The following CUX2 variants were observed in gnomAD, a reference collection of about 807,000 sequenced individuals.
The protein encoded by CUX2 is cut like homeobox 2, also known as homeobox protein cut-like 2.
In CUX2, 40 loss-of-function variants were observed where a neutral mutation model predicts 144.8. The observed-to-expected ratio is 0.28, with a 90% CI of 0.21 to 0.36. The LOEUF (loss-of-function observed/expected upper bound fraction) is 0.36. Ranked by LOEUF, CUX2 falls within the 10% of genes least tolerant of loss-of-function variation. CUX2 has a pLI of 1.00. For synonymous variants in CUX2, 827 were observed against 875.6 expected (o/e 0.94, Z 0.98); for missense variants, 1,615 against 1,994.0 (o/e 0.81, Z 3.62).
chr12:111,067,831 C>T (rs764908701), intron 1 of CUX2, among the ~76,000 whole-genome samples: 2 of 152,172 alleles, frequency 1.3e-5, no homozygotes, highest in Non-Finnish European at 2.9e-5. Flanking sequence ...AGAACTCCAC[C>T]ACCCTTGGGA....
chr12:111,264,801 AAACACAGT>A (rs758794257), intron 4 of CUX2, among the ~76,000 whole-genome samples: 15 of 152,318 alleles, frequency 9.8e-5, no homozygotes, highest in Non-Finnish European at 2.1e-4. Flanking sequence ...TGAACCTCGA[AAACACAGT>A]GCTGAGTGAA....
chr12:111,332,548 C>T (rs1367266071), intron 18 of CUX2, among the ~76,000 whole-genome samples: 2 of 152,158 alleles, frequency 1.3e-5, no homozygotes, highest in Admixed American at 6.5e-5. Flanking sequence ...AGCCAATCTC[C>T]TGTGGTTGAA....
At chr12:111,136,325 A>G (rs576031800) in intron 1 of CUX2, among the ~76,000 whole-genome samples, 6 of 152,196 alleles carry the variant, frequency 3.9e-5, no homozygotes, top group African/African-American at 1.4e-4. Context: ...GGCCTGAACT[A>G]TGGGAGGATG....
At chr12:111,094,049 A>G (rs551713681) in intron 1 of CUX2, among the ~76,000 whole-genome samples, 1 of 152,338 alleles carries the variant, frequency 6.6e-6, no homozygotes, top group African/African-American at 2.4e-5. Flanking sequence ...ATAAGTATCT[A>G]ATAGTGAACT....
At chr12:111,089,102 G>A (rs1872412644) in intron 1 of CUX2, among the ~76,000 whole-genome samples, 1 of 152,226 alleles carries the variant, frequency 6.6e-6, no homozygotes, top group South Asian at 2.1e-4. Context: ...GATATTCCAA[G>A]TGGAGATGCA....
intron 1 of CUX2, among the ~76,000 whole-genome samples, chr12:111,199,696 T>A (rs1229490125): frequency 6.6e-6 from 1 of 152,088 alleles, no homozygotes; most frequent in Non-Finnish European, 1.5e-5. Context: ...GGTGCATCTG[T>A]GTATGTGTGT....
chr12:111,117,150 G>A (rs1216374628), intron 1 of CUX2, among the ~76,000 whole-genome samples: 1 of 152,204 alleles, frequency 6.6e-6, no homozygotes, highest in East Asian at 1.9e-4. Flanking sequence ...GCTAATAGTA[G>A]TCATGAATTC....
chr12:111,039,540 T>C lies in CUX2; in HGVS notation c.63+5300T>C, dbSNP rs550901858. Among the ~76,000 whole-genome samples the C allele has an allele frequency of 1.8e-4, 28 of 152,112 alleles. No individual in the cohort carries two copies. The highest frequency in any genetic ancestry group is 3.7e-4 in the Non-Finnish European group (25 of 68,022). ...CACCTTTGTGGGTCACTTAAATGCATTGTCTTCTTCTTTTTTGTTTTTTCA... is the reference window on the plus strand; with the variant it reads ...CACCTTTGTGGGTCACTTAAATGCACTGTCTTCTTCTTTTTTGTTTTTTCA... On this transcript the variant is annotated intron_variant, in intron 1 of 21. Coordinates refer to ENST00000261726, the MANE Select transcript of CUX2 (RefSeq NM_015267.4). The surrounding 1 kb of genome is among the most constrained non-coding windows in gnomAD (Gnocchi z 4.2).
chr12:111,061,785 A>T lies in CUX2; in HGVS notation c.63+27545A>T, dbSNP rs766378701. The stretch of plus-strand genomic sequence containing the variant: ...TTGTCGTTTTCTTTTTTCTGCTGTG[A>T]TGGAAACACTGTGCTTCCAGTTTTA... On this transcript the variant is annotated intron_variant, in intron 1 of 21. Transcript: ENST00000261726. This position sits in a 1 kb window ranked among gnomAD's most constrained non-coding sequence, Gnocchi z 4.2. Among the ~76,000 whole-genome samples, 1 of 152,052 alleles carries T rather than the reference A, an allele frequency of 6.6e-6. No homozygotes were observed. Among genetic ancestry groups the T allele is most frequent in the African/African-American group, 2.4e-5 (1 of 41,374 alleles).
At chr12:111,298,193 G>A (rs1001568502) in intron 8 of CUX2, among the ~76,000 whole-genome samples, 1 of 152,204 alleles carries the variant, frequency 6.6e-6, no homozygotes, top group African/African-American at 2.4e-5. Flanking sequence ...ACTGGGGACA[G>A]TGCAGGGCGG....
intron 1 of CUX2, among the ~76,000 whole-genome samples, chr12:111,173,823 G>A (rs546062344): frequency 4.8e-4 from 73 of 152,282 alleles, no homozygotes; most frequent in African/African-American, 1.6e-3. Context: ...TCTGGAGCCC[G>A]TCCAAGAATT....
chr12:111,242,729 G>A (rs1191393572), intron 3 of CUX2, among the ~76,000 whole-genome samples: 6 of 152,106 alleles, frequency 3.9e-5, no homozygotes, highest in African/African-American at 7.2e-5. Context: ...CAGGAGAATC[G>A]CTTGAACCTG....
intron 1 of CUX2, among the ~76,000 whole-genome samples, chr12:111,137,354 G>T (rs1875960939): frequency 6.7e-6 from 1 of 149,994 alleles, no homozygotes; most frequent in East Asian, 1.9e-4. Flanking sequence ...TGCTGATGTT[G>T]TTGTTGTTGT....
At chr12:111,123,799 G>A (rs1347955690) in intron 1 of CUX2, among the ~76,000 whole-genome samples, 1 of 152,168 alleles carries the variant, frequency 6.6e-6, no homozygotes, top group African/African-American at 2.4e-5. Flanking sequence ...GCCTCCCAAA[G>A]TGCTGGGATT....
rs562412720 is a variant in CUX2 at position 111,122,854 on chromosome 12, G to A, written c.63+88614G>A. ...ATGGGGCAGGGGACTGACCCACCCC[G>A]CCCTGTCACAGGCTGCTTCTTTTAA... On this transcript the variant is annotated intron_variant, in intron 1 of 21. Coordinates refer to ENST00000261726, the MANE Select transcript of CUX2 (RefSeq NM_015267.4). Among the ~76,000 whole-genome samples the A allele has an allele frequency of 1.5e-3, 230 of 152,268 alleles. 3 individuals carry two copies. The highest frequency in any genetic ancestry group is 5.1e-3 in the African/African-American group (214 of 41,570).
intron 3 of CUX2, among the ~76,000 whole-genome samples, chr12:111,227,935 A>C (rs1198311090): frequency 6.6e-6 from 1 of 152,148 alleles, no homozygotes; most frequent in Admixed American, 6.5e-5. Context: ...ACATGGCCTC[A>C]TGGGAGAGAC....
In CUX2 at chr12:111,259,083, G is replaced by T. The variant is rs1045111859; in HGVS notation, c.223-4678G>T. Among the ~76,000 whole-genome samples the T allele has an allele frequency of 7.4e-5, 11 of 149,220 alleles. No homozygotes were observed. In the South Asian group the frequency reaches 2.1e-3, roughly 29 times the overall value. On this transcript the variant is annotated intron_variant, in intron 3 of 21. Coordinates refer to ENST00000261726, the MANE Select transcript of CUX2 (RefSeq NM_015267.4). ...TGTGTGTGTGTGTGTTTGTGTGTGT[G>T]TGTGGAGATAGGGTCTTGCTATGTT... is the stretch of plus-strand genomic sequence containing the variant.
rs141433605 is a variant in CUX2 at position 111,182,045 on chromosome 12, G to C, written c.64-32155G>C. Among the ~76,000 whole-genome samples, 867 of 152,234 alleles carry C rather than the reference G, an allele frequency of 5.7e-3. 8 individuals carry two copies. Among genetic ancestry groups the C allele is most frequent in the Non-Finnish European group, 9.8e-3 (664 of 68,020 alleles). ...GAGGAGGGGAGGCGCACAGGGAGGT[G>C]GGGGGACATTTGTTTAAAAATGTGC... On this transcript the variant is annotated intron_variant, in intron 1 of 21. Transcript: ENST00000261726.
chr12:111,125,683 T>C (rs6489948), intron 1 of CUX2, among the ~76,000 whole-genome samples: 20,719 of 152,158 alleles, frequency 0.14, 4,754 homozygotes, highest in African/African-American at 0.47. Context: ...TTTTGGCTGT[T>C]GCAAATAGTG....
Sources: allele counts gnomAD v4.1 joint callset (sites outside exome capture counted in the v4.1 genomes callset), GRCh38; gene constraint gnomAD v4.1.1; non-coding constraint Gnocchi (gnomAD v3.1); transcripts MANE v1.5; gene names NCBI Gene and HGNC (gene_info 2026-07-23, HGNC 2026-07-21).